The following CDK5RAP2 variants were observed in gnomAD, a reference collection of about 807,000 sequenced individuals.
CDK5RAP2 encodes the protein CDK5 regulatory subunit associated protein 2.
Under a neutral mutation model 232.9 loss-of-function variants are expected in CDK5RAP2, and 147 were observed. The observed-to-expected ratio is 0.63, with a 90% confidence interval of 0.55 to 0.72. The LOEUF is 0.72. Ranked by LOEUF, CDK5RAP2 falls within the 30% of genes least tolerant of loss-of-function variation. The pLI, the probability that CDK5RAP2 is intolerant of heterozygous loss-of-function variation, is 0.00. For missense variants in CDK5RAP2, 2,195 were observed against 2,231.5 expected, an observed-to-expected ratio of 0.98 and a Z score of 0.33; for synonymous variants, 833 against 833.7, an observed-to-expected ratio of 1.00 and a Z score of 0.01.
chr9:120,506,771 A>G (rs79324204), intron 12 of CDK5RAP2, among the ~76,000 whole-genome samples: 2,531 of 152,318 alleles, frequency 0.017, 79 homozygotes, highest in African/African-American at 0.058. Flanking sequence ...TAAAGCTTGA[A>G]CAGATACGGA....
chr9:120,460,423 G>T, intron 19 of CDK5RAP2, 149 bp downstream of exon 19: 2 of 725,598 alleles, frequency 2.8e-6, no homozygotes, highest in Non-Finnish European at 4.9e-6. Context: ...AGAAGGAAAA[G>T]ACCTAGTCTT....
chr9:120,517,133 A>G (rs2040372651), intron 12 of CDK5RAP2, among the ~76,000 whole-genome samples: 1 of 152,218 alleles, frequency 6.6e-6, no homozygotes, highest in Admixed American at 6.5e-5. Flanking sequence ...TTAGACCAGG[A>G]GCCCAGGGGC....
intron 31 of CDK5RAP2, chr9:120,407,511 G>A (rs1014290187): frequency 2.3e-5 from 12 of 518,074 alleles, no homozygotes; most frequent in South Asian, 1.9e-4. Context: ...ACCAAACCCC[G>A]AAATTATGTC....
intron 18 of CDK5RAP2, among the ~76,000 whole-genome samples, chr9:120,467,581 TATAC>T (rs2037451826): frequency 6.6e-6 from 1 of 152,208 alleles, no homozygotes; most frequent in African/African-American, 2.4e-5. Flanking sequence ...ATATGGTTTG[TATAC>T]ATACATACAT....
intron 12 of CDK5RAP2, among the ~76,000 whole-genome samples, chr9:120,509,598 T>A (rs1308274693): frequency 6.6e-6 from 1 of 152,130 alleles, no homozygotes; most frequent in Non-Finnish European, 1.5e-5. Flanking sequence ...TTTCCACTAT[T>A]CCAAAGATGG....
intron 12 of CDK5RAP2, among the ~76,000 whole-genome samples, chr9:120,517,225 T>C (rs544816141): frequency 1.3e-5 from 2 of 152,330 alleles, no homozygotes; most frequent in East Asian, 3.9e-4. Flanking sequence ...TTTTCTAGTT[T>C]TTCTAGGTTT....
intron 25 of CDK5RAP2, among the ~76,000 whole-genome samples, chr9:120,424,028 G>T (rs2034729196): frequency 6.6e-6 from 1 of 152,186 alleles, no homozygotes; most frequent in Non-Finnish European, 1.5e-5. Context: ...AGTCACACAG[G>T]CCTGAGTGAC....
intron 4 of CDK5RAP2, among the ~76,000 whole-genome samples, chr9:120,548,135 T>C (rs2041917349): frequency 6.6e-6 from 1 of 152,184 alleles, no homozygotes; most frequent in Non-Finnish European, 1.5e-5. Context: ...ATTAAAGAAG[T>C]CATCTATGAG....
intron 6 of CDK5RAP2, 198 bp from the exon 7 acceptor site, chr9:120,536,724 C>T (rs2041408824): frequency 1.5e-6 from 1 of 660,804 alleles, no homozygotes; most frequent in Admixed American, 2.2e-5. Flanking sequence ...TGAAGCATAA[C>T]AGGCATTTCC....
rs2038672349 is a variant in CDK5RAP2 at position 120,487,448 on chromosome 9, A to G, written c.1483-11T>C. ...TTTTTCATTGAATTTCTAATGAAAT[A>G]AAACAAATTCTAAGGAAATTGTCAT... On this transcript the variant is annotated splice_polypyrimidine_tract_variant and intron_variant, in intron 13 of 37. Coordinates refer to ENST00000349780, the MANE Select transcript of CDK5RAP2 (RefSeq NM_018249.6). 1.9e-6 allele frequency: 3 copies of G among 1,592,048 alleles called. No homozygotes were observed. Among genetic ancestry groups the G allele is most frequent in the Non-Finnish European group, 2.6e-6 (3 of 1,168,052 alleles).
Position 120,543,753 on chromosome 9 carries a change from G to A in CDK5RAP2, c.383+1961C>T, listed in dbSNP as rs544359929. On this transcript the variant is annotated intron_variant, in intron 5 of 37. Coordinates refer to ENST00000349780, the MANE Select transcript of CDK5RAP2 (RefSeq NM_018249.6). ...CATGCCTGTAATCCCAGCTACTCAG[G>A]AGGCTGAGGCAGGAGAATCGCCTGG... Among the ~76,000 whole-genome samples the A allele has an allele frequency of 3.9e-5, 6 of 152,314 alleles. No homozygotes were observed. The South Asian group carries it at 1.2e-3, about 32-fold the overall frequency.
chr9:120,559,500 A>C (rs1303478824), intron 3 of CDK5RAP2, among the ~76,000 whole-genome samples: 2 of 148,736 alleles, frequency 1.3e-5, no homozygotes, highest in Non-Finnish European at 3.0e-5. Context: ...AAAAAAAAAA[A>C]AAAAAAAAGA....
chr9:120,464,522 C>G (rs2037268723), intron 18 of CDK5RAP2, among the ~76,000 whole-genome samples: 1 of 152,102 alleles, frequency 6.6e-6, no homozygotes, highest in Non-Finnish European at 1.5e-5. Flanking sequence ...TCAGGATTAC[C>G]TCTGGTCTTG....
Position 120,486,619 on chromosome 9 carries a change from G to A in CDK5RAP2, c.1626+675C>T, listed in dbSNP as rs1407250861. On this transcript the variant is annotated intron_variant, in intron 14 of 37. Coordinates refer to ENST00000349780, the MANE Select transcript of CDK5RAP2 (RefSeq NM_018249.6). ...TACAGGAGCCCAGGTGAGAGGAAGC[G>A]GAAAGGTGGATCGTGTAACTCCAAC... 2.6e-5 allele frequency among the ~76,000 whole-genome samples: 4 copies of A among 152,072 alleles called. No individual in the cohort carries two copies. In the East Asian group the frequency reaches 7.7e-4, roughly 29 times the overall value.
chr9:120,427,282 A>C (rs1469593496), intron 25 of CDK5RAP2, among the ~76,000 whole-genome samples: 1 of 152,212 alleles, frequency 6.6e-6, no homozygotes, highest in African/African-American at 2.4e-5. Flanking sequence ...AAAATCCATA[A>C]TGTTTTAAGA....
intron 22 of CDK5RAP2, among the ~76,000 whole-genome samples, chr9:120,446,029 A>T (rs2036168547): frequency 6.6e-6 from 1 of 152,144 alleles, no homozygotes; most frequent in South Asian, 2.1e-4. Context: ...ATCCAAAGTG[A>T]TCCTTTAAAG....
At chr9:120,568,861 T>G (rs10739568) in intron 2 of CDK5RAP2, among the ~76,000 whole-genome samples, 129,322 of 152,058 alleles carry the variant, frequency 0.85, 56,166 homozygotes, top group Non-Finnish European at 0.95. Context: ...AATCCTCTGT[T>G]GTCACACAAA....
chr9:120,514,481 C>G (rs2040235452), intron 12 of CDK5RAP2, among the ~76,000 whole-genome samples: 1 of 152,198 alleles, frequency 6.6e-6, no homozygotes. Context: ...GCCAGGGCAG[C>G]AAAGTGTGGG....
Position 120,403,454 on chromosome 9 carries a change from A to C in CDK5RAP2, c.5042-383T>G. ...AGGGCCAGAGCCAGAAAAAACAATT[A>C]TCTGTGCAGGGAGGGAGAGAACAGG... is the stretch of plus-strand genomic sequence containing the variant. On this transcript the variant is annotated intron_variant, in intron 33 of 37. Coordinates refer to ENST00000349780, the MANE Select transcript of CDK5RAP2 (RefSeq NM_018249.6). This position sits in a 1 kb window ranked among gnomAD's most constrained non-coding sequence, Gnocchi z 4.2. 3.2e-6 allele frequency: 1 copy of C among 307,752 alleles called. No homozygotes were observed. The highest frequency in any genetic ancestry group is 6.2e-6 in the Non-Finnish European group (1 of 161,656). The allele number at this position is 307,752 out of a possible 1,614,324, so 19.1% of individuals were successfully genotyped here. A position where few individuals can be genotyped will look rare whatever the true frequency, so the allele number is the denominator to read the frequency against.
Sources: allele counts gnomAD v4.1 joint callset (sites outside exome capture counted in the v4.1 genomes callset), GRCh38; gene constraint gnomAD v4.1.1; non-coding constraint Gnocchi (gnomAD v3.1); transcripts MANE v1.5; gene names NCBI Gene and HGNC (gene_info 2026-07-23, HGNC 2026-07-21).